ITPRID1: variants seen among roughly 807,000 people sequenced by gnomAD.
ITPRID1 encodes ITPR interacting domain containing 1.
Under a neutral mutation model 95.4 loss-of-function variants are expected in ITPRID1, and 96 were observed. The observed-to-expected ratio is 1.01, with a 90% CI of 0.85 to 1.19. The LOEUF (loss-of-function observed/expected upper bound fraction) is 1.19. ITPRID1 is among the 50% of genes most tolerant of loss of function. The probability of loss-of-function intolerance (pLI) is 0.00; values close to 1 mark genes in which losing one functional copy is unlikely to be tolerated. For missense variants in ITPRID1, 1,339 were observed against 1,252.9 expected, an observed-to-expected ratio of 1.07 and a Z score of -1.04; for synonymous variants, 510 against 453.6, an observed-to-expected ratio of 1.12 and a Z score of -1.58.
intron 10 of ITPRID1, among the ~76,000 whole-genome samples, chr7:31,624,056 C>A (rs373204127): frequency 2.9e-4 from 43 of 149,102 alleles, no homozygotes; most frequent in Admixed American, 8.7e-4. Flanking sequence ...TAGGAATCCA[C>A]CTTACAAGGG....
intron 1 of ITPRID1, among the ~76,000 whole-genome samples, chr7:31,548,735 A>G (rs1268226270): frequency 1.3e-5 from 2 of 152,168 alleles, no homozygotes; most frequent in Non-Finnish European, 2.9e-5. Context: ...TGAGAGTGCC[A>G]GCCTCTCAGG....
intron 1 of ITPRID1, among the ~76,000 whole-genome samples, chr7:31,535,028 T>C (rs1783715386): frequency 6.6e-6 from 1 of 152,122 alleles, no homozygotes; most frequent in African/African-American, 2.4e-5. Flanking sequence ...CACTGTGCGA[T>C]AGAGTAGCTC....
At chr7:31,649,313 C>CT (rs779261524) in intron 12 of ITPRID1, among the ~76,000 whole-genome samples, 9 of 152,174 alleles carry the variant, frequency 5.9e-5, no homozygotes, top group Non-Finnish European at 1.0e-4. Flanking sequence ...AAATCTCAGA[C>CT]TTCCTAGAAA....
At position 31,626,958 on chromosome 7, in the gene ITPRID1, ATTAT is replaced by A. The variant is rs557818710; in HGVS notation, c.1229-15211_1229-15208del. On this transcript the variant is annotated intron_variant, in intron 10 of 14. Transcript: ENST00000615280. The stretch of plus-strand genomic sequence containing the variant: ...AAGTGGATGGTCACCCAGCTTGAAG[ATTAT>A]TTATTTTATTTCAATGCTTAGGCAG... Among the ~76,000 whole-genome samples the A allele has an allele frequency of 3.3e-5, 5 of 152,228 alleles. No homozygotes were observed. In the South Asian group the frequency reaches 1.0e-3, roughly 31 times the overall value.
At chr7:31,595,576 G>T (rs1786054395) in intron 10 of ITPRID1, among the ~76,000 whole-genome samples, 1 of 152,048 alleles carries the variant, frequency 6.6e-6, no homozygotes, top group African/African-American at 2.4e-5. Flanking sequence ...GAATAATAAT[G>T]AAGACATTTT....
chr7:31,649,342 C>T (rs1790757225), intron 12 of ITPRID1, among the ~76,000 whole-genome samples: 1 of 152,132 alleles, frequency 6.6e-6, no homozygotes, highest in Admixed American at 6.5e-5. Flanking sequence ...GAGGAGTCCA[C>T]CTAGCTGTAA....
intron 1 of ITPRID1, among the ~76,000 whole-genome samples, chr7:31,521,687 C>CT (rs1177305271): frequency 2.4e-5 from 3 of 122,838 alleles, no homozygotes; most frequent in African/African-American, 9.6e-5. Flanking sequence ...TCCTTCCTTC[C>CT]TCCTTTATTC....
chr7:31,617,737 T>G (rs1264619426), intron 10 of ITPRID1, among the ~76,000 whole-genome samples: 1 of 152,176 alleles, frequency 6.6e-6, no homozygotes, highest in East Asian at 1.9e-4. Context: ...AGGATAATAC[T>G]CTACCTAAAA....
At chr7:31,648,482 C>G (rs1299904150) in intron 12 of ITPRID1, among the ~76,000 whole-genome samples, 1 of 151,986 alleles carries the variant, frequency 6.6e-6, no homozygotes, top group African/African-American at 2.4e-5. Context: ...TTCCAAATAA[C>G]CAGAAGATGG....
chr7:31,516,209 A>G (rs539994495), intron 1 of ITPRID1, among the ~76,000 whole-genome samples: 1 of 152,300 alleles, frequency 6.6e-6, no homozygotes, highest in African/African-American at 2.4e-5. Context: ...ACAGTATATA[A>G]TGTGCATAAT....
rs201177934 is a variant in ITPRID1, at chr7:31,578,063, C to T, written c.799C>T (p.Arg267Trp). 3.4e-4 allele frequency: 546 copies of T among 1,613,764 alleles called. No homozygotes were observed. The highest frequency in any genetic ancestry group is 4.9e-4 in the Middle Eastern group (3 of 6,062). The change falls in exon 9 of 15, where the codon CGG (arginine) becomes TGG (tryptophan). Residue 267 changes from arginine (R) to tryptophan (W), a missense_variant. Physicochemically the swap from Arg to Trp is moderately radical, Grantham distance 101 (BLOSUM62 -3). Coordinates refer to ENST00000615280, the MANE Select transcript of ITPRID1 (RefSeq NM_001257967.3). Reference sequence around the variant, plus strand: ...GAGAGCTTCCAAACAGAACATCAGGCGGGATTGTAACCCAGAGGTATCAGA... The same window carrying T: ...GAGAGCTTCCAAACAGAACATCAGGTGGGATTGTAACCCAGAGGTATCAGA... ...LRRASKQNIR[R>W]DCNPEVSESF...
chr7:31,605,742 T>G (rs551349780), intron 10 of ITPRID1, among the ~76,000 whole-genome samples: 3 of 152,346 alleles, frequency 2.0e-5, no homozygotes, highest in Admixed American at 2.0e-4. Context: ...AGAGTTGGCA[T>G]TTTCCCCTTC....
chr7:31,539,660 G>GC (rs1783868876), intron 1 of ITPRID1, among the ~76,000 whole-genome samples: 1 of 152,084 alleles, frequency 6.6e-6, no homozygotes, highest in East Asian at 1.9e-4. Context: ...AGACAGGTTT[G>GC]TTTTTTTTGG....
Position 31,520,570 on chromosome 7 carries a change from A to T in ITPRID1, c.-98+6450A>T, listed in dbSNP as rs199951154. ...GTGTGTGTGTGTGTGTGTGTGAGAG[A>T]GAGAGAGAGAGTTTGGCACTTTTCT... On this transcript the variant is annotated intron_variant, in intron 1 of 14. Transcript: ENST00000615280. 1.8e-3 allele frequency among the ~76,000 whole-genome samples: 133 copies of T among 75,480 alleles called. 1 individual carries two copies. Among genetic ancestry groups the T allele is most frequent in the African/African-American group, 8.0e-3 (116 of 14,470 alleles). The allele number at this position is 75,480 out of a possible 152,430, so 49.5% of individuals were successfully genotyped here. A position where few individuals can be genotyped will look rare whatever the true frequency, so the allele number is the denominator to read the frequency against.
chr7:31,643,201 C>T lies in ITPRID1; in HGVS notation c.1831C>T (p.His611Tyr). The T allele has an allele frequency of 1.2e-6, 2 of 1,613,976 alleles. No homozygotes were observed. Among genetic ancestry groups the T allele is most frequent in the South Asian group, 1.1e-5 (1 of 91,074 alleles). ...GNDHTQDKFL[H>Y]VDSEAPREEE... ...TGATCATACTCAAGACAAGTTCCTT[C>T]ATGTTGACTCTGAGGCCCCACGAGA... Residue 611 changes from histidine to tyrosine, a missense_variant, in exon 12 of 15, where the codon CAT becomes TAT. Transcript: ENST00000615280.
chr7:31,635,576 A>G (rs959544060), intron 10 of ITPRID1, among the ~76,000 whole-genome samples: 1 of 152,202 alleles, frequency 6.6e-6, no homozygotes, highest in South Asian at 2.1e-4. Flanking sequence ...TATCACAAGT[A>G]TACCTCTTTT....
At chr7:31,624,962 G>T (rs1788306314) in intron 10 of ITPRID1, among the ~76,000 whole-genome samples, 1 of 152,182 alleles carries the variant, frequency 6.6e-6, no homozygotes, top group East Asian at 1.9e-4. Flanking sequence ...AGTGGGCAAA[G>T]GACATGAATA....
Position 31,654,843 on chromosome 7 carries a change from C to T in ITPRID1, c.*2014C>T, listed in dbSNP as rs1462243178. Among the ~76,000 whole-genome samples the T allele has an allele frequency of 6.6e-6, 1 of 152,076 alleles. No homozygotes were observed. Among genetic ancestry groups the T allele is most frequent in the Non-Finnish European group, 1.5e-5 (1 of 68,002 alleles). On this transcript the variant is annotated 3_prime_UTR_variant, in exon 15 of 15. Transcript: ENST00000615280. ...CCTCAGAAACTAATTCTATTGAAACCACCCACTACTCAAAACCATCTCACA... is the reference window on the plus strand; with the variant it reads ...CCTCAGAAACTAATTCTATTGAAACTACCCACTACTCAAAACCATCTCACA...
rs1219116283 is a variant in ITPRID1 at position 31,574,538 on chromosome 7, A to C, written c.396-2A>C. 1 of 1,612,478 alleles carries C rather than the reference A, an allele frequency of 6.2e-7. No individual in the cohort carries two copies. The highest frequency in any genetic ancestry group is 8.5e-7 in the Non-Finnish European group (1 of 1,178,700). On this transcript the variant is annotated splice_acceptor_variant, in intron 7 of 14. Transcript: ENST00000615280. LOFTEE classifies it high-confidence loss of function. ...TAAAGATATTCATATTTTTTACCAC[A>C]GCATTCCTGAATGGCTGGAATTTTG...
Sources: gnomAD v4.1 joint callset for allele counts (sites outside exome capture counted in the v4.1 genomes callset) on GRCh38, gnomAD v4.1.1 for gene constraint, MANE v1.5 for transcripts, NCBI Gene and HGNC (gene_info 2026-07-23, HGNC 2026-07-21) for gene names.